Variants in DNAH14 observed in about 807,000 individuals in gnomAD.
DNAH14 encodes the protein axonemal beta dynein heavy chain 14.
A neutral mutation model predicts 520.9 loss-of-function variants in DNAH14; 478 were observed. That is an observed-to-expected ratio of 0.92 (90% CI 0.85 to 0.99). The LOEUF is 0.99. Among genes scored for constraint, DNAH14 ranks in the 50% least tolerant of loss-of-function variants. DNAH14 has a pLI of 0.00. For missense variants in DNAH14, 4,831 were observed against 5,234.5 expected (o/e 0.92, Z 2.38); for synonymous variants, 1,581 against 1,757.2 (o/e 0.90, Z 2.51).
intron 41 of DNAH14, among the ~76,000 whole-genome samples, chr1:225,224,299 G>C (rs2090330922): frequency 6.6e-6 from 1 of 151,144 alleles, no homozygotes; most frequent in South Asian, 2.1e-4. Context: ...AGATTGCATA[G>C]ACCCGCAATA....
At chr1:225,153,682 T>A (rs1017692731) in intron 33 of DNAH14, 68 bp from the exon 34 acceptor site, 15 of 1,112,716 alleles carry the variant, frequency 1.3e-5, no homozygotes, top group Non-Finnish European at 1.3e-5. Flanking sequence ...ACCTATATAC[T>A]GTGTGCATTT....
intron 8 of DNAH14, among the ~76,000 whole-genome samples, chr1:224,994,906 A>G (rs1158241250): frequency 6.6e-6 from 1 of 152,102 alleles, no homozygotes; most frequent in Non-Finnish European, 1.5e-5. Context: ...TTTCAAACTG[A>G]TAACTTAACT....
At chr1:225,279,794 G>A (rs1239509769) in intron 54 of DNAH14, among the ~76,000 whole-genome samples, 1 of 151,830 alleles carries the variant, frequency 6.6e-6, no homozygotes, top group African/African-American at 2.4e-5. Flanking sequence ...GCTATACATG[G>A]GGAGAAAAAG....
chr1:225,239,421 G>A (rs2091831067), intron 42 of DNAH14, among the ~76,000 whole-genome samples: 2 of 152,132 alleles, frequency 1.3e-5, no homozygotes, highest in African/African-American at 4.8e-5. Flanking sequence ...TTGGCTGGGG[G>A]TGGAAGGGGG....
intron 31 of DNAH14, among the ~76,000 whole-genome samples, chr1:225,147,617 G>A (rs938637189): frequency 1.3e-5 from 2 of 152,030 alleles, no homozygotes; most frequent in African/African-American, 4.8e-5. Flanking sequence ...AACAAATGCT[G>A]CTTTTTTTAT....
chr1:225,322,572 T>TA (rs774553450), intron 61 of DNAH14, 92 bp from the exon 62 acceptor site: 9 of 1,239,078 alleles, frequency 7.3e-6, no homozygotes, highest in Non-Finnish European at 9.6e-6. Flanking sequence ...AAATGTGTGT[T>TA]AAAAATCTGT....
chr1:224,964,646 A>G (rs756713073), intron 5 of DNAH14, 37 bp downstream of exon 5: 3 of 1,420,996 alleles, frequency 2.1e-6, no homozygotes, highest in South Asian at 3.2e-5. Context: ...ATCTTTAAAA[A>G]TCAATATTGA....
At chr1:225,185,946 G>GTTTTTTTTTTT (rs11443248) in intron 37 of DNAH14, among the ~76,000 whole-genome samples, 20 of 98,720 alleles carry the variant, frequency 2.0e-4, no homozygotes, top group Admixed American at 4.9e-4. Context: ...ATTACACTTT[G>GTTTTTTTTTTT]TTTTTTTTTT....
intron 46 of DNAH14, among the ~76,000 whole-genome samples, chr1:225,261,372 T>C (rs145358358): frequency 2.0e-5 from 3 of 152,232 alleles, no homozygotes; most frequent in Non-Finnish European, 2.9e-5. Context: ...GTCAAATGCT[T>C]CGTCTGTATT....
At chr1:225,073,662 TTTGTTG>T (rs138861152) in intron 17 of DNAH14, among the ~76,000 whole-genome samples, 23 of 151,900 alleles carry the variant, frequency 1.5e-4, no homozygotes, top group Admixed American at 5.9e-4. Context: ...TTTTCAGTTT[TTTGTTG>T]TTGTTGTTGT....
chr1:225,144,658 CTT>C, intron 29 of DNAH14, 30 bp downstream of exon 29: 2 of 1,502,670 alleles, frequency 1.3e-6, no homozygotes, highest in South Asian at 2.5e-5. Flanking sequence ...AGAATAAAAA[CTT>C]TTTTCTTTTT....
chr1:225,330,135 C>T (rs1457479426), intron 64 of DNAH14, among the ~76,000 whole-genome samples: 3 of 151,974 alleles, frequency 2.0e-5, no homozygotes, highest in Admixed American at 6.6e-5. Context: ...TGGCTTTTAT[C>T]CAAAAGACAG....
intron 23 of DNAH14, among the ~76,000 whole-genome samples, chr1:225,102,999 C>T (rs1049610342): frequency 3.4e-4 from 52 of 152,234 alleles, no homozygotes; most frequent in African/African-American, 1.2e-3. Flanking sequence ...CCTAGGTTTT[C>T]TTCTAGGGTT....
At chr1:225,121,265 A>G (rs1055473785) in intron 26 of DNAH14, among the ~76,000 whole-genome samples, 1 of 152,214 alleles carries the variant, frequency 6.6e-6, no homozygotes, top group African/African-American at 2.4e-5. Flanking sequence ...TGGTGAAAAC[A>G]TTTCAAGTTT....
At chr1:225,250,835 C>G (rs1414138925) in intron 43 of DNAH14, 1 of 425,462 alleles carries the variant, frequency 2.4e-6, no homozygotes, top group Non-Finnish European at 4.3e-6. Context: ...TATCTGGTAC[C>G]TGGCTTTGGG....
chr1:225,342,696 A>G (rs2095214724), intron 69 of DNAH14, among the ~76,000 whole-genome samples: 1 of 105,842 alleles, frequency 9.4e-6, no homozygotes, highest in Non-Finnish European at 1.7e-5. Flanking sequence ...ACACACACAC[A>G]CACACACACA....
chr1:224,997,354 G>C (rs1053668191), intron 8 of DNAH14, among the ~76,000 whole-genome samples: 1 of 152,026 alleles, frequency 6.6e-6, no homozygotes, highest in Non-Finnish European at 1.5e-5. Context: ...TTTCTTTGTT[G>C]AACTGAGCCA....
chr1:225,295,583 G>T (rs1038169558), intron 55 of DNAH14, among the ~76,000 whole-genome samples: 2 of 152,036 alleles, frequency 1.3e-5, no homozygotes, highest in African/African-American at 4.8e-5. Flanking sequence ...TTGATTTCTA[G>T]TCATATTCCA....
intron 8 of DNAH14, among the ~76,000 whole-genome samples, chr1:224,987,938 G>A (rs1336505681): frequency 1.3e-5 from 2 of 152,088 alleles, no homozygotes; most frequent in African/African-American, 2.4e-5. Flanking sequence ...TGTGCAGGAC[G>A]TGCAGGTTTG....
Sources: allele counts gnomAD v4.1 joint callset (sites outside exome capture counted in the v4.1 genomes callset), GRCh38; gene constraint gnomAD v4.1.1; transcripts MANE v1.5; gene names NCBI Gene and HGNC (gene_info 2026-07-23, HGNC 2026-07-21).